The following MYO1B variants were observed in gnomAD, a reference collection of about 807,000 sequenced individuals.
MYO1B encodes the protein myosin IB, also known as unconventional myosin-Ib.
Under a neutral mutation model 159.7 loss-of-function variants are expected in MYO1B, and 72 were observed. The ratio of observed to expected loss-of-function variants is 0.45; its 90% confidence interval spans 0.37 to 0.55. The LOEUF is 0.55. Ranked by LOEUF, MYO1B falls within the 20% of genes least tolerant of loss-of-function variation. The probability of loss-of-function intolerance (pLI) is 0.00; values close to 1 mark genes in which losing one functional copy is unlikely to be tolerated. For missense variants in MYO1B, 1,062 were observed against 1,364.8 expected, an observed-to-expected ratio of 0.78 and a Z score of 3.50; for synonymous variants, 468 against 473.8, an observed-to-expected ratio of 0.99 and a Z score of 0.16.
chr2:191,403,686 A>G (rs1696746896), intron 24 of MYO1B, among the ~76,000 whole-genome samples: 1 of 152,162 alleles, frequency 6.6e-6, no homozygotes, highest in East Asian at 1.9e-4. Context: ...CAGCCTATAA[A>G]CTTTAGTAAA....
At chr2:191,408,441 A>C (rs1697062505) in intron 25 of MYO1B, among the ~76,000 whole-genome samples, 1 of 152,166 alleles carries the variant, frequency 6.6e-6, no homozygotes, top group Non-Finnish European at 1.5e-5. Context: ...ATTTGACAAG[A>C]GAGAACTTTT....
chr2:191,326,732 G>A (rs1691096466), intron 3 of MYO1B, among the ~76,000 whole-genome samples: 1 of 150,952 alleles, frequency 6.6e-6, no homozygotes, highest in Non-Finnish European at 1.5e-5. Flanking sequence ...TCACAACAGG[G>A]TGATTTGGTG....
chr2:191,382,447 T>G (rs1205124150), intron 14 of MYO1B, among the ~76,000 whole-genome samples: 1 of 152,208 alleles, frequency 6.6e-6, no homozygotes, highest in Non-Finnish European at 1.5e-5. Context: ...AGAAATGTTT[T>G]ATACTTGTCT....
At chr2:191,369,372 T>G (rs1176586123) in intron 11 of MYO1B, among the ~76,000 whole-genome samples, 170 bp from the exon 12 acceptor site, 2 of 152,222 alleles carry the variant, frequency 1.3e-5, no homozygotes, top group Non-Finnish European at 2.9e-5. Flanking sequence ...TATAAACAAT[T>G]TGCCTAATTC....
Position 191,424,652 on chromosome 2 carries a change from T to C in MYO1B, c.*692T>C, listed in dbSNP as rs1698128155. The stretch of plus-strand genomic sequence containing the variant: ...ATTTGAACAGGACTTTTAATTTGTT[T>C]AAAACTCTGGTAATTACTTGTAACA... On this transcript the variant is annotated 3_prime_UTR_variant, in exon 31 of 31. Coordinates refer to ENST00000392318, the MANE Select transcript of MYO1B (RefSeq NM_001130158.3). The C allele has an allele frequency of 6.6e-6, 1 of 152,214 alleles. No individual in the cohort carries two copies. Among genetic ancestry groups the C allele is most frequent in the South Asian group, 2.1e-4 (1 of 4,836 alleles). The allele number at this position is 152,214 out of a possible 1,614,324, so 9.4% of individuals were successfully genotyped here. A position where few individuals can be genotyped will look rare whatever the true frequency, so the allele number is the denominator to read the frequency against.
intron 1 of MYO1B, chr2:191,248,112 C>A: frequency 1.4e-6 from 1 of 722,932 alleles, no homozygotes; most frequent in Non-Finnish European, 1.7e-6. Context: ...CTCCCTTCTA[C>A]TGTTTTCAAT....
chr2:191,394,636 G>C (rs967195834), intron 20 of MYO1B, among the ~76,000 whole-genome samples: 2 of 152,144 alleles, frequency 1.3e-5, no homozygotes, highest in Non-Finnish European at 2.9e-5. Flanking sequence ...CTGCCATAAA[G>C]AATAATGGGG....
intron 11 of MYO1B, among the ~76,000 whole-genome samples, chr2:191,368,604 A>G (rs1486760777): frequency 6.6e-6 from 1 of 152,188 alleles, no homozygotes; most frequent in African/African-American, 2.4e-5. Context: ...AAAAGTAGAT[A>G]AGCACGTAAG....
At chr2:191,380,405 C>G (rs1273224057) in intron 13 of MYO1B, among the ~76,000 whole-genome samples, 2 of 152,196 alleles carry the variant, frequency 1.3e-5, no homozygotes, top group African/African-American at 4.8e-5. Context: ...CCAGGACTGG[C>G]CACCATTGTG....
intron 17 of MYO1B, 184 bp downstream of exon 17, chr2:191,387,634 A>C: frequency 1.6e-6 from 1 of 626,792 alleles, no homozygotes; most frequent in Non-Finnish European, 2.8e-6. Flanking sequence ...CCCTAAAATA[A>C]GAAAGTAAAA....
intron 9 of MYO1B, among the ~76,000 whole-genome samples, chr2:191,362,742 C>A (rs531398355): frequency 3.9e-5 from 6 of 152,242 alleles, no homozygotes; most frequent in East Asian, 1.9e-4. Context: ...AGAAAAAAAT[C>A]TTTTTATATA....
chr2:191,409,320 G>A, intron 26 of MYO1B, 142 bp downstream of exon 26: 1 of 957,858 alleles, frequency 1.0e-6, no homozygotes, highest in East Asian at 2.6e-5. Flanking sequence ...TTTCCCCCAT[G>A]CACCATATTG....
At chr2:191,265,788 G>A (rs1009302447) in intron 1 of MYO1B, among the ~76,000 whole-genome samples, 2 of 152,168 alleles carry the variant, frequency 1.3e-5, no homozygotes, top group Non-Finnish European at 2.9e-5. Context: ...ATGTAACAGC[G>A]GTTTATAGTT....
intron 2 of MYO1B, among the ~76,000 whole-genome samples, chr2:191,285,238 T>C (rs189038838): frequency 9.7e-4 from 148 of 152,356 alleles, no homozygotes; most frequent in Non-Finnish European, 1.8e-3. Context: ...TATGGCAGTA[T>C]TGTATTATCC....
At chr2:191,275,241 A>G (rs1687678341) in intron 1 of MYO1B, among the ~76,000 whole-genome samples, 2 of 152,112 alleles carry the variant, frequency 1.3e-5, no homozygotes, top group Non-Finnish European at 2.9e-5. Flanking sequence ...TTTGGCTTAA[A>G]ATTATAAAAA....
intron 17 of MYO1B, among the ~76,000 whole-genome samples, chr2:191,389,968 C>T (rs1695643470): frequency 6.6e-6 from 1 of 152,124 alleles, no homozygotes. Context: ...GTTAGTTTTG[C>T]TTGAACTTGA....
chr2:191,386,095 G>T lies in MYO1B; in HGVS notation c.1554+11G>T. 6.2e-7 allele frequency: 1 copy of T among 1,613,462 alleles called. No individual in the cohort carries two copies. Among genetic ancestry groups the T allele is most frequent in the Non-Finnish European group, 8.5e-7 (1 of 1,179,610 alleles). ...CATTATGCTGGAAAGGTATGGGGGA[G>T]CTGTGAGCACCCAGTCAGGCCTGCC... On this transcript the variant is annotated intron_variant, in intron 16 of 30. Transcript: ENST00000392318.
Position 191,318,753 on chromosome 2 carries a change from T to C in MYO1B, c.252-11182T>C, listed in dbSNP as rs369672825. 4.6e-5 allele frequency among the ~76,000 whole-genome samples: 7 copies of C among 152,352 alleles called. No homozygotes were observed. The East Asian group carries it at 1.2e-3, about 25-fold the overall frequency. The stretch of plus-strand genomic sequence containing the variant: ...CACTTCTGAGATGTATTGACATGAC[T>C]TAAAACACTTGAAGCAGTATTTGAG... On this transcript the variant is annotated intron_variant, in intron 3 of 30. Coordinates refer to ENST00000392318, the MANE Select transcript of MYO1B (RefSeq NM_001130158.3).
intron 20 of MYO1B, 134 bp downstream of exon 20, chr2:191,393,356 G>C: frequency 9.2e-7 from 1 of 1,087,028 alleles, no homozygotes; most frequent in Admixed American, 2.9e-5. Flanking sequence ...TGTTCTTAAT[G>C]GTTCTTTTTT....
Sources: gnomAD v4.1 joint callset for allele counts (sites outside exome capture counted in the v4.1 genomes callset) on GRCh38, gnomAD v4.1.1 for gene constraint, MANE v1.5 for transcripts, NCBI Gene and HGNC (gene_info 2026-07-23, HGNC 2026-07-21) for gene names.